The following ADORA2B variants were observed in gnomAD, a reference collection of about 807,000 sequenced individuals.
ADORA2B encodes the protein adenosine A2b receptor.
In ADORA2B, 18 loss-of-function variants were observed where a neutral mutation model predicts 20.8. That is an observed-to-expected ratio of 0.87 (90% CI 0.60 to 1.29). The LOEUF is 1.29. Among genes scored for constraint, ADORA2B ranks in the 50% most tolerant of loss-of-function variants. The pLI, the probability that ADORA2B is intolerant of heterozygous loss-of-function variation, is 0.00. For synonymous variants in ADORA2B, 179 were observed against 178.3 expected, an observed-to-expected ratio of 1.00 and a Z score of -0.03; for missense variants, 441 against 422.7, an observed-to-expected ratio of 1.04 and a Z score of -0.38.
At chr17:15,865,852 G>C in the ADORA2B span, among the ~76,000 whole-genome samples, 1 of 149,762 alleles carries the variant, frequency 6.7e-6, no homozygotes, top group Non-Finnish European at 1.5e-5. Flanking sequence ...TTGGTTTTAG[G>C]GAGCGGAAAG....
chr17:15,944,522 C>T (rs1969772268), upstream of ADORA2B, among the ~76,000 whole-genome samples: 1 of 152,110 alleles, frequency 6.6e-6, no homozygotes, highest in South Asian at 2.1e-4. The surrounding 1 kb of genome is among the most constrained non-coding windows in gnomAD (Gnocchi z 4.8). Context: ...GGCAGTGGCG[C>T]GGGCGAGGGT....
the ADORA2B span, chr17:15,850,414 T>A: frequency 1.3e-5 from 2 of 152,288 alleles, no homozygotes; most frequent in East Asian, 3.9e-4. Context: ...CTCTCATTTC[T>A]CCAATTCAGC....
At chr17:15,905,182 A>G in the ADORA2B span, among the ~76,000 whole-genome samples, 17 of 151,226 alleles carry the variant, frequency 1.1e-4, no homozygotes, top group Non-Finnish European at 2.1e-4. Flanking sequence ...ATATCTTCTT[A>G]TATTTAGATA....
chr17:15,858,081 T>C, the ADORA2B span, among the ~76,000 whole-genome samples: 1 of 150,472 alleles, frequency 6.6e-6, no homozygotes, highest in African/African-American at 2.4e-5. Flanking sequence ...AGTGCAAATA[T>C]CTCTTTGAGA....
intron 1 of ADORA2B, among the ~76,000 whole-genome samples, chr17:15,966,419 CTGCCCT>C (rs1297457389): frequency 6.6e-6 from 1 of 152,234 alleles, no homozygotes; most frequent in Non-Finnish European, 1.5e-5. Context: ...CCCCAGGTAG[CTGCCCT>C]TGATCTATAC....
chr17:15,953,541 G>A (rs571854322), intron 1 of ADORA2B, among the ~76,000 whole-genome samples: 3 of 152,264 alleles, frequency 2.0e-5, no homozygotes, highest in East Asian at 1.9e-4. Context: ...ACTGTGAACC[G>A]CCAGGCCCGT....
the ADORA2B span, among the ~76,000 whole-genome samples, chr17:15,910,286 A>G: frequency 6.6e-6 from 1 of 151,990 alleles, no homozygotes; most frequent in African/African-American, 2.4e-5. Context: ...AATGCGGCCC[A>G]ACACAAATAC....
At chr17:15,931,451 C>T in the ADORA2B span, among the ~76,000 whole-genome samples, 1 of 152,202 alleles carries the variant, frequency 6.6e-6, no homozygotes, top group Non-Finnish European at 1.5e-5. Flanking sequence ...TGTCCTTTTC[C>T]TTAGCAAGGA....
At chr17:15,865,051 A>G in the ADORA2B span, among the ~76,000 whole-genome samples, 1 of 151,922 alleles carries the variant, frequency 6.6e-6, no homozygotes, top group Non-Finnish European at 1.5e-5. Context: ...AAGGCCCTAC[A>G]TAAATGAGCC....
At chr17:15,878,791 AATAG>A in the ADORA2B span, among the ~76,000 whole-genome samples, 1 of 152,230 alleles carries the variant, frequency 6.6e-6, no homozygotes, top group Non-Finnish European at 1.5e-5. Context: ...TAAATCCAGA[AATAG>A]ATAAGAATTA....
At chr17:15,957,552 G>A (rs575944843) in intron 1 of ADORA2B, among the ~76,000 whole-genome samples, 1 of 152,188 alleles carries the variant, frequency 6.6e-6, no homozygotes, top group Non-Finnish European at 1.5e-5. Context: ...CAGATTTCCG[G>A]TCGCCTGGGT....
Position 15,975,421 on chromosome 17 carries a change from G to C in ADORA2B, c.*79G>C. The C allele has an allele frequency of 6.9e-7, 1 of 1,439,422 alleles. No individual in the cohort carries two copies. Among genetic ancestry groups the C allele is most frequent in the East Asian group, 2.3e-5 (1 of 43,994 alleles). 89.2% of individuals were successfully genotyped at this position (1,439,422 alleles called of 1,614,324 possible). ...GACACGGCTGGTTTTCATTGTGAAA[G>C]ATAGCTACACCTCACAAGGAAATGG... On this transcript the variant is annotated 3_prime_UTR_variant, in exon 2 of 2. Coordinates refer to ENST00000304222, the MANE Select transcript of ADORA2B (RefSeq NM_000676.4).
chr17:15,942,869 A>G (rs1969757005), upstream of ADORA2B, among the ~76,000 whole-genome samples: 2 of 152,086 alleles, frequency 1.3e-5, no homozygotes, highest in Admixed American at 1.3e-4. Flanking sequence ...GCAAACTCCT[A>G]ACTACCACCT....
the ADORA2B span, among the ~76,000 whole-genome samples, chr17:15,868,382 T>A: frequency 0.014 from 1,852 of 136,684 alleles, 177 homozygotes; most frequent in African/African-American, 0.046. Flanking sequence ...AAAAAAAAAA[T>A]GTCTTCTTTT....
intron 1 of ADORA2B, among the ~76,000 whole-genome samples, chr17:15,955,834 T>A (rs1473692713): frequency 2.0e-5 from 3 of 151,772 alleles, no homozygotes; most frequent in Non-Finnish European, 4.4e-5. Flanking sequence ...TTCTCCTGCC[T>A]CAGCCTCTCG....
At chr17:15,962,275 C>G (rs542375085) in intron 1 of ADORA2B, among the ~76,000 whole-genome samples, 3 of 152,152 alleles carry the variant, frequency 2.0e-5, no homozygotes, top group Admixed American at 6.5e-5. Context: ...TGCACTCCAT[C>G]CTGGGCAATA....
At chr17:15,868,617 C>CA in the ADORA2B span, among the ~76,000 whole-genome samples, 31,470 of 101,438 alleles carry the variant, frequency 0.31, 7,804 homozygotes, top group Non-Finnish European at 0.38. Context: ...ACTAAAAATA[C>CA]AAAAAAAAAA....
At chr17:15,891,845 C>CTT in the ADORA2B span, among the ~76,000 whole-genome samples, 303 of 107,802 alleles carry the variant, frequency 2.8e-3, 10 homozygotes, top group African/African-American at 0.01. Context: ...CAATGCCCAG[C>CTT]TTTTTTTTTT....
chr17:15,921,458 C>A, the ADORA2B span, among the ~76,000 whole-genome samples: 1 of 152,160 alleles, frequency 6.6e-6, no homozygotes, highest in Non-Finnish European at 1.5e-5. Flanking sequence ...ACTAGAAGAT[C>A]CATTTTCTGT....
Sources: allele counts gnomAD v4.1 joint callset (sites outside exome capture counted in the v4.1 genomes callset), GRCh38; gene constraint gnomAD v4.1.1; non-coding constraint Gnocchi (gnomAD v3.1); transcripts MANE v1.5; gene names NCBI Gene and HGNC (gene_info 2026-07-23, HGNC 2026-07-21).